The following EPS15L1 variants were observed in gnomAD, a reference collection of about 807,000 sequenced individuals.
The protein encoded by EPS15L1 is epidermal growth factor receptor pathway substrate 15 like 1.
In EPS15L1, 43 loss-of-function variants were observed where a neutral mutation model predicts 117.1. The ratio of observed to expected loss-of-function variants is 0.37; its 90% confidence interval spans 0.29 to 0.47. EPS15L1 has a LOEUF of 0.47. Among genes scored for constraint, EPS15L1 ranks in the 20% least tolerant of loss-of-function variants. The pLI is 0.99. For missense variants in EPS15L1, 981 were observed against 1,164.0 expected, an observed-to-expected ratio of 0.84 and a Z score of 2.29; for synonymous variants, 459 against 470.5, an observed-to-expected ratio of 0.98 and a Z score of 0.32.
intron 13 of EPS15L1, among the ~76,000 whole-genome samples, chr19:16,409,784 A>G (rs2144871100): frequency 6.6e-6 from 1 of 152,170 alleles, no homozygotes; most frequent in East Asian, 1.9e-4. Context: ...CTAAAAACAC[A>G]AAAATTAGCT....
chr19:16,445,027 G>GT (rs1331199269), intron 1 of EPS15L1, among the ~76,000 whole-genome samples: 1 of 152,084 alleles, frequency 6.6e-6, no homozygotes, highest in Non-Finnish European at 1.5e-5. Flanking sequence ...CCCCAGGCGA[G>GT]TTTTTTAACA....
At chr19:16,438,069 C>T (rs375232192) in intron 4 of EPS15L1, among the ~76,000 whole-genome samples, 2 of 152,154 alleles carry the variant, frequency 1.3e-5, no homozygotes, top group African/African-American at 4.8e-5. Flanking sequence ...TGGACTTATC[C>T]TGGCCAGGTG....
chr19:16,469,105 T>C (rs1430439789), intron 1 of EPS15L1, among the ~76,000 whole-genome samples: 1 of 152,014 alleles, frequency 6.6e-6, no homozygotes, highest in Non-Finnish European at 1.5e-5. Flanking sequence ...CCAGACCACT[T>C]TGGGGCATGG....
intron 1 of EPS15L1, among the ~76,000 whole-genome samples, chr19:16,455,161 AGGCTGGAGTGCAG>A (rs2093182821): frequency 6.6e-6 from 1 of 151,774 alleles, no homozygotes; most frequent in Non-Finnish European, 1.5e-5. Flanking sequence ...TCTGTTGTCC[AGGCTGGAGTGCAG>A]TGGCACGACC....
chr19:16,433,458 A>C (rs1356078835), intron 7 of EPS15L1, among the ~76,000 whole-genome samples: 1 of 152,098 alleles, frequency 6.6e-6, no homozygotes, highest in Non-Finnish European at 1.5e-5. Flanking sequence ...AGAATGCATA[A>C]AATTTTTCCT....
At chr19:16,389,826 T>C (rs1408661615) in intron 19 of EPS15L1, among the ~76,000 whole-genome samples, 3 of 152,246 alleles carry the variant, frequency 2.0e-5, no homozygotes, top group Non-Finnish European at 4.4e-5. Flanking sequence ...TAACCTCAAG[T>C]AGACTATGAA....
At position 16,413,800 on chromosome 19, in the gene EPS15L1, T is replaced by G. The variant is rs1367036675; in HGVS notation, c.1239A>C (p.Ala413=). ...LEQDIREKEE[A]IRQKTSEVQE... is the part of the protein sequence containing the mutation. ...GCACCTCGCTGGTTTTCTGTCTGAT[T>G]GCCTCTTCCTTTTCTCGAATGTCTT... is the stretch of plus-strand genomic sequence containing the variant. The change falls in exon 13 of 24, where the codon GCA becomes GCC. Residue 413 remains alanine, a synonymous_variant. Transcript: ENST00000455140. The G allele has an allele frequency of 1.9e-6, 3 of 1,614,038 alleles. No individual in the cohort carries two copies. Among genetic ancestry groups the G allele is most frequent in the Non-Finnish European group, 2.5e-6 (3 of 1,179,896 alleles).
In EPS15L1 at chr19:16,426,689, C is replaced by T. The variant is rs558773666; in HGVS notation, c.559-1373G>A. On this transcript the variant is annotated intron_variant, in intron 8 of 23. Coordinates refer to ENST00000455140, the MANE Select transcript of EPS15L1 (RefSeq NM_001258374.3). The stretch of plus-strand genomic sequence containing the variant: ...AACAAAAAGTCCACGTCAAGAGACA[C>T]GAAGAGCGATGGAGGAACTGTTCTA... 3.7e-4 allele frequency among the ~76,000 whole-genome samples: 57 copies of T among 152,034 alleles called. No individual in the cohort carries two copies. The South Asian group carries it at 5.0e-3, about 13-fold the overall frequency.
intron 22 of EPS15L1, among the ~76,000 whole-genome samples, chr19:16,374,903 C>T (rs1474929595): frequency 6.6e-6 from 1 of 152,254 alleles, no homozygotes; most frequent in Non-Finnish European, 1.5e-5. Context: ...ATGCATTATG[C>T]AATATCTGTG....
At chr19:16,402,541 A>G (rs1003285342) in intron 15 of EPS15L1, 56 bp from the exon 16 acceptor site, 76 of 1,503,438 alleles carry the variant, frequency 5.1e-5, no homozygotes, top group Non-Finnish European at 6.4e-5. Flanking sequence ...ATGTCAGAAA[A>G]GACGCTTTTT....
chr19:16,404,588 C>A lies in EPS15L1; in HGVS notation c.1428G>T (p.Met476Ile), dbSNP rs1223647323. The change falls in exon 14 of 24, where the codon ATG becomes ATT. Residue 476 changes from methionine to isoleucine, a missense_variant and splice_region_variant. Met to Ile is a conservative substitution (Grantham distance 10). Around this residue, in one of 5 missense-constraint regions of EPS15L1, gnomAD observed 819 missense variants for 949.0 expected, o/e 0.86. Transcript: ENST00000455140. The surrounding 1 kb of genome is among the most constrained non-coding windows in gnomAD (Gnocchi z 4.2). ...TGCCCCGGAGGTGGCCGGGACCCAC[C>A]ATCTGAGTCTCATCCTGGCACTTCT... ...VRQKCQDETQ[M>I]ISSLKTQIQS... 1 of 1,614,102 alleles carries A rather than the reference C, an allele frequency of 6.2e-7. No homozygotes were observed. Among genetic ancestry groups the A allele is most frequent in the Admixed American group, 1.7e-5 (1 of 60,018 alleles).
rs1246767492 is a variant in EPS15L1 at position 16,418,189 on chromosome 19, A to T, written c.951-85T>A. On this transcript the variant is annotated intron_variant, in intron 10 of 23. Coordinates refer to ENST00000455140, the MANE Select transcript of EPS15L1 (RefSeq NM_001258374.3). ...AGTCACCGATCCCTTGCTTTTCAAA[A>T]ACGACAGCGACGAAAACAACGGCAG... 2.1e-6 allele frequency: 3 copies of T among 1,462,090 alleles called. No individual in the cohort carries two copies. In the East Asian group the frequency reaches 7.0e-5, roughly 34 times the overall value. 90.6% of individuals were successfully genotyped at this position (1,462,090 alleles called of 1,614,324 possible).
chr19:16,435,882 C>T (rs974082264), intron 6 of EPS15L1, among the ~76,000 whole-genome samples: 3 of 152,160 alleles, frequency 2.0e-5, no homozygotes, highest in South Asian at 4.1e-4. Flanking sequence ...CCCCTCAGTC[C>T]CAGCTCTTCC....
In EPS15L1 at chr19:16,461,383, G is replaced by A. The variant is rs556668741; in HGVS notation, c.33+10530C>T. Among the ~76,000 whole-genome samples, 168 of 151,958 alleles carry A rather than the reference G, an allele frequency of 1.1e-3. 2 individuals carry two copies. The highest frequency in any genetic ancestry group is 7.5e-3 in the South Asian group (36 of 4,808). ...CACATGCAATCCCAGCACTTTCGGA[G>A]GCCGAGGCAGGTGGATCGCTTTGAG... On this transcript the variant is annotated intron_variant, in intron 1 of 23. Transcript: ENST00000455140.
In EPS15L1 at chr19:16,401,811, T is replaced by C. The variant is rs1007875024; in HGVS notation, c.1791+510A>G. On this transcript the variant is annotated intron_variant, in intron 16 of 23. Coordinates refer to ENST00000455140, the MANE Select transcript of EPS15L1 (RefSeq NM_001258374.3). ...CCAAAATTTCAGGAGAGGCCAATTC[T>C]TACTTGAAAGAGCAACACCCTGGGG... 5.1e-6 allele frequency: 5 copies of C among 986,022 alleles called. No homozygotes were observed. In the African/African-American group the frequency reaches 7.0e-5, roughly 14 times the overall value. The allele number at this position is 986,022 out of a possible 1,614,324, so 61.1% of individuals were successfully genotyped here.
intron 22 of EPS15L1, among the ~76,000 whole-genome samples, chr19:16,368,759 A>G (rs1236610635): frequency 6.6e-6 from 1 of 151,936 alleles, no homozygotes; most frequent in Non-Finnish European, 1.5e-5. Flanking sequence ...CAAAACCATC[A>G]TTCACCCTAC....
At chr19:16,367,743 G>A (rs2092157270) in intron 22 of EPS15L1, among the ~76,000 whole-genome samples, 2 of 143,828 alleles carry the variant, frequency 1.4e-5, no homozygotes, top group Admixed American at 7.0e-5. Flanking sequence ...CTCAAGAGCT[G>A]GGTGCAAAGC....
intron 1 of EPS15L1, among the ~76,000 whole-genome samples, chr19:16,457,062 G>C (rs2093204630): frequency 6.6e-6 from 1 of 152,176 alleles, no homozygotes; most frequent in Admixed American, 6.5e-5. Flanking sequence ...AGTGATCAGA[G>C]AGAGACTGCC....
In EPS15L1 at chr19:16,355,963, G is replaced by T; in HGVS notation, c.2587-112C>A. ...TCAGGGTCCTGCCCACCGCCCAGCG[G>T]AGGGTCCGATGTGCAGGGGATAAGC... On this transcript the variant is annotated intron_variant, in intron 23 of 23. Coordinates refer to ENST00000455140, the MANE Select transcript of EPS15L1 (RefSeq NM_001258374.3). The T allele has an allele frequency of 2.3e-6, 3 of 1,329,096 alleles. No individual in the cohort carries two copies. In the South Asian group the frequency reaches 4.2e-5, roughly 19 times the overall value. The allele number at this position is 1,329,096 out of a possible 1,614,324, so 82.3% of individuals were successfully genotyped here.
Sources: gnomAD v4.1 joint callset for allele counts (sites outside exome capture counted in the v4.1 genomes callset) on GRCh38, gnomAD v4.1.1 for gene constraint, gnomAD v4.1.1 regional missense constraint, Gnocchi (gnomAD v3.1) non-coding constraint, MANE v1.5 for transcripts, NCBI Gene and HGNC (gene_info 2026-07-23, HGNC 2026-07-21) for gene names.